The following SEPTIN7 variants were observed in gnomAD, a reference collection of about 807,000 sequenced individuals.
SEPTIN7 encodes septin 7.
A neutral mutation model predicts 63.3 loss-of-function variants in SEPTIN7; 10 were observed. The observed-to-expected ratio is 0.16, with a 90% CI of 0.10 to 0.27. SEPTIN7 has a LOEUF of 0.27. SEPTIN7 is among the 10% of genes least tolerant of loss of function. SEPTIN7 has a pLI of 1.00. For synonymous variants in SEPTIN7, 131 were observed against 165.3 expected (o/e 0.79, Z 1.59); for missense variants, 310 against 521.0 (o/e 0.59, Z 3.94).
chr7:35,851,092 A>G (rs553849122), intron 3 of SEPTIN7, among the ~76,000 whole-genome samples: 60 of 152,268 alleles, frequency 3.9e-4, no homozygotes, highest in Non-Finnish European at 7.1e-4. Context: ...ATAGGTGATG[A>G]ATGTTTTATT....
chr7:35,807,667 T>C (rs1269379484), intron 1 of SEPTIN7, among the ~76,000 whole-genome samples: 2 of 152,092 alleles, frequency 1.3e-5, no homozygotes, highest in Non-Finnish European at 2.9e-5. Context: ...CCTGCCAATT[T>C]TTGTATTTTT....
At chr7:35,887,623 G>A (rs368133397) in intron 10 of SEPTIN7, among the ~76,000 whole-genome samples, 37 of 152,164 alleles carry the variant, frequency 2.4e-4, no homozygotes, top group Middle Eastern at 6.8e-3. Flanking sequence ...CTGGGATTAC[G>A]GGCTTGAGCC....
At chr7:35,879,080 ATAAG>A (rs1381181846) in intron 6 of SEPTIN7, among the ~76,000 whole-genome samples, 1 of 152,224 alleles carries the variant, frequency 6.6e-6, no homozygotes, top group Non-Finnish European at 1.5e-5. Flanking sequence ...TTGTGAGAGA[ATAAG>A]TAATGGTAAG....
At chr7:35,880,458 T>C (rs1786808911) in intron 7 of SEPTIN7, among the ~76,000 whole-genome samples, 1 of 151,954 alleles carries the variant, frequency 6.6e-6, no homozygotes, top group Non-Finnish European at 1.5e-5. Flanking sequence ...CATTTCTTTG[T>C]CTTTTCCTTT....
At chr7:35,908,881 C>T (rs764800855), downstream of SEPTIN7, among the ~76,000 whole-genome samples, 12 of 152,116 alleles carry the variant, frequency 7.9e-5, no homozygotes, top group East Asian at 3.9e-4. Context: ...ACTTTTTTAC[C>T]CCTCATTTAA....
chr7:35,805,582 T>C (rs1788279057), intron 1 of SEPTIN7, among the ~76,000 whole-genome samples: 1 of 152,236 alleles, frequency 6.6e-6, no homozygotes, highest in South Asian at 2.1e-4. Context: ...ACTGTCATGC[T>C]AAAGTTTATG....
chr7:35,884,758 A>G (rs550844642), intron 9 of SEPTIN7, among the ~76,000 whole-genome samples: 17 of 152,334 alleles, frequency 1.1e-4, no homozygotes, highest in African/African-American at 4.1e-4. Flanking sequence ...TTTCGTTAAT[A>G]AGAGATCCTC....
intron 3 of SEPTIN7, among the ~76,000 whole-genome samples, chr7:35,841,724 G>A (rs570861320): frequency 6.6e-6 from 1 of 152,310 alleles, no homozygotes; most frequent in Admixed American, 6.5e-5. Flanking sequence ...AGTACTGAAC[G>A]GAAGGCAAGG....
chr7:35,849,875 T>C (rs1283179348), intron 3 of SEPTIN7, among the ~76,000 whole-genome samples: 3 of 152,212 alleles, frequency 2.0e-5, no homozygotes, highest in East Asian at 3.8e-4. Flanking sequence ...TTTTGTGATA[T>C]TGCCTCCTGG....
chr7:35,832,886 C>T lies in SEPTIN7; in HGVS notation c.155C>T (p.Thr52Met), dbSNP rs375889436. ...RKSVKRGFEF[T>M]LMVVGESGLG... ...TCGGTGAAGAGAGGTTTTGAATTCA[C>T]GCTTATGGTAGTGGGTAAGATATGA... The change falls in exon 3 of 14, where the codon ACG becomes ATG. Residue 52 changes from threonine to methionine, a missense_variant. By Grantham distance (81) the Thr-to-Met change is moderately conservative. Coordinates refer to ENST00000350320, the MANE Select transcript of SEPTIN7 (RefSeq NM_001788.6). The T allele has an allele frequency of 3.8e-6, 6 of 1,592,376 alleles. No homozygotes were observed. The highest frequency in any genetic ancestry group is 2.2e-5 in the South Asian group (2 of 90,632).
chr7:35,801,186 GC>G lies in SEPTIN7; in HGVS notation c.-23del. On this transcript the variant is annotated 5_prime_UTR_variant, in exon 1 of 14. Transcript: ENST00000350320. ...AATCGGCGGGCTGCGCTCCGCTGGG[GC>G]TGGTCGCGGAGGGGGGGAGGGGATG... 1 of 1,489,428 alleles carries G rather than the reference GC, an allele frequency of 6.7e-7. No homozygotes were observed. The highest frequency in any genetic ancestry group is 9.0e-7 in the Non-Finnish European group (1 of 1,117,284). The allele number at this position is 1,489,428 out of a possible 1,614,324, so 92.3% of individuals were successfully genotyped here.
chr7:35,839,066 G>A (rs1784275430), intron 3 of SEPTIN7, among the ~76,000 whole-genome samples: 1 of 152,122 alleles, frequency 6.6e-6, no homozygotes, highest in Admixed American at 6.5e-5. Flanking sequence ...TTAATTTAGG[G>A]AGATAGGCAA....
chr7:35,833,078 CT>C (rs1783910085), intron 3 of SEPTIN7, among the ~76,000 whole-genome samples, 178 bp downstream of exon 3: 1 of 151,898 alleles, frequency 6.6e-6, no homozygotes, highest in Non-Finnish European at 1.5e-5. Flanking sequence ...GGATTTATGT[CT>C]TGCCTCTTAT....
At chr7:35,825,730 T>C (rs988047341) in intron 1 of SEPTIN7, among the ~76,000 whole-genome samples, 1 of 152,184 alleles carries the variant, frequency 6.6e-6, no homozygotes, top group Non-Finnish European at 1.5e-5. Flanking sequence ...GTAAGTATGT[T>C]GAATGAATGA....
chr7:35,903,840 C>G lies in SEPTIN7; in HGVS notation c.1275-414C>G, dbSNP rs1408995147. Among the ~76,000 whole-genome samples the G allele has an allele frequency of 2.6e-5, 4 of 152,126 alleles. No homozygotes were observed. In the East Asian group the frequency reaches 7.7e-4, roughly 29 times the overall value. ...TTGACATTTGTTCTACTACACTACC[C>G]TACTGTTAACATTTTCCCCAAAGAA... On this transcript the variant is annotated intron_variant, in intron 13 of 13. Transcript: ENST00000350320.
chr7:35,858,454 C>G (rs746011023), intron 3 of SEPTIN7, among the ~76,000 whole-genome samples: 6 of 152,088 alleles, frequency 3.9e-5, no homozygotes, highest in Admixed American at 2.6e-4. Flanking sequence ...CTCCCAGATT[C>G]AAGCAATTCT....
rs1242040145 is a variant in SEPTIN7, at chr7:35,801,224, G to A, written c.15G>A (p.Ala5=). 3 of 1,533,348 alleles carry A rather than the reference G, an allele frequency of 2.0e-6. No individual in the cohort carries two copies. The highest frequency in any genetic ancestry group is 1.4e-5 in the African/African-American group (1 of 71,122). 95.0% of individuals were successfully genotyped at this position (1,533,348 alleles called of 1,614,324 possible). The change falls in exon 1 of 14, where the codon GCG becomes GCA. Residue 5 remains alanine (A), a synonymous_variant. Transcript: ENST00000350320. ...GGGGGGAGGGGATGTCGGTCAGTGC[G>A]AGATCCGCTGCTGCTGAGGAGAGGA... MSVS[A]RSAAAEERSV...
intron 1 of SEPTIN7, among the ~76,000 whole-genome samples, chr7:35,806,011 A>G (rs990194789): frequency 6.6e-6 from 1 of 152,170 alleles, no homozygotes; most frequent in Non-Finnish European, 1.5e-5. Context: ...ATTTACCAGC[A>G]TCCCTGCTGT....
chr7:35,844,133 G>C (rs538910711), intron 3 of SEPTIN7, among the ~76,000 whole-genome samples: 6 of 152,106 alleles, frequency 3.9e-5, no homozygotes, highest in Non-Finnish European at 8.8e-5. Context: ...CTGATGAAGC[G>C]GATGACATGA....
Sources: gnomAD v4.1 joint callset for allele counts (sites outside exome capture counted in the v4.1 genomes callset) on GRCh38, gnomAD v4.1.1 for gene constraint, MANE v1.5 for transcripts, NCBI Gene and HGNC (gene_info 2026-07-23, HGNC 2026-07-21) for gene names.